The following DHX36 variants were observed in gnomAD, a reference collection of about 807,000 sequenced individuals.
DHX36 encodes ATP-dependent DNA/RNA helicase DHX36.
DHX36 carries 50 observed loss-of-function variants against 139.0 expected under a neutral mutation model. That is an observed-to-expected ratio of 0.36 (90% CI 0.29 to 0.46). The LOEUF is 0.46. Among genes scored for constraint, DHX36 ranks in the 20% least tolerant of loss-of-function variants. The probability of loss-of-function intolerance (pLI) is 1.00; values close to 1 mark genes in which losing one functional copy is unlikely to be tolerated. For missense variants in DHX36, 1,024 were observed against 1,211.3 expected (o/e 0.85, Z 2.29); for synonymous variants, 425 against 401.9 (o/e 1.06, Z -0.69).
rs1719185304 is a variant in DHX36 at position 154,277,449 on chromosome 3, GTTAT to G, written c.2688+145_2688+148del. 1.7e-5 allele frequency: 11 copies of G among 631,546 alleles called. No individual in the cohort carries two copies. The South Asian group carries it at 3.2e-4, about 19-fold the overall frequency. 39.1% of individuals were successfully genotyped at this position (631,546 alleles called of 1,614,324 possible). ...ACAGACCTGAAAATTAAAAGAATAG[GTTAT>G]TTGTTAGAGGGAAAAAGTTACTCAC... On this transcript the variant is annotated intron_variant, in intron 23 of 24. Coordinates refer to ENST00000496811, the MANE Select transcript of DHX36 (RefSeq NM_020865.3).
At chr3:154,290,941 C>T (rs7638438) in intron 15 of DHX36, among the ~76,000 whole-genome samples, 29,624 of 150,034 alleles carry the variant, frequency 0.2, 4,019 homozygotes, top group East Asian at 0.39. Context: ...GAGACCATCC[C>T]GGCTAAAACG....
At chr3:154,303,481 G>T in intron 8 of DHX36, 71 bp from the exon 9 acceptor site, 1 of 1,097,970 alleles carries the variant, frequency 9.1e-7, no homozygotes, top group Admixed American at 2.3e-5. Flanking sequence ...ACTGTAAATA[G>T]GACAATGACT....
At chr3:154,282,043 A>G (rs183424069) in intron 20 of DHX36, among the ~76,000 whole-genome samples, 3 of 152,240 alleles carry the variant, frequency 2.0e-5, no homozygotes, top group Admixed American at 6.5e-5. Context: ...ACCTGAATTC[A>G]TATCCTGACT....
intron 1 of DHX36, among the ~76,000 whole-genome samples, chr3:154,316,740 A>G (rs1426078344): frequency 6.6e-6 from 1 of 152,000 alleles, no homozygotes; most frequent in Non-Finnish European, 1.5e-5. Flanking sequence ...GACAAATATA[A>G]AGGTCCTTGG....
chr3:154,280,516 G>T, intron 22 of DHX36, 63 bp downstream of exon 22: 1 of 1,153,138 alleles, frequency 8.7e-7, no homozygotes, highest in Non-Finnish European at 1.3e-6. Flanking sequence ...CTTGTTACAT[G>T]AGCAGATTTC....
intron 4 of DHX36, 30 bp from the exon 5 acceptor site, chr3:154,309,853 A>C: frequency 6.7e-7 from 1 of 1,481,864 alleles, no homozygotes; most frequent in Non-Finnish European, 9.2e-7. Context: ...AAAGAATATC[A>C]CATGTTGACT....
chr3:154,284,922 C>T lies in DHX36; in HGVS notation c.2097G>A (p.Glu699=), dbSNP rs896404953. ...AAAGAATCATTTTTCCAATATGTGG[C>T]TCAACGGGTAATCGTGCCAAGTGGA... ...LGVHLARLPV[E]PHIGKMILFG... is the part of the protein sequence containing the mutation. Residue 699 remains glutamate (E), a synonymous_variant, in exon 18 of 25, where the codon GAG becomes GAA. Coordinates refer to ENST00000496811, the MANE Select transcript of DHX36 (RefSeq NM_020865.3). The T allele has an allele frequency of 6.2e-7, 1 of 1,614,120 alleles. No individual in the cohort carries two copies. The highest frequency in any genetic ancestry group is 8.5e-7 in the Non-Finnish European group (1 of 1,180,018).
intron 19 of DHX36, among the ~76,000 whole-genome samples, chr3:154,283,750 T>A (rs1576857393): frequency 6.6e-6 from 1 of 152,178 alleles, no homozygotes; most frequent in Non-Finnish European, 1.5e-5. Context: ...AAACAGAATG[T>A]AGAGCCACAG....
rs1719031985 is a variant in DHX36, at chr3:154,272,654, T to C, written c.*3517A>G. The C allele has an allele frequency of 6.6e-6, 1 of 151,774 alleles. No individual in the cohort carries two copies. The highest frequency in any genetic ancestry group is 2.4e-5 in the African/African-American group (1 of 41,384). The allele number at this position is 151,774 out of a possible 1,614,324, so 9.4% of individuals were successfully genotyped here. ...GGAACAATGGTAACATGATTTACTT[T>C]GCTACATTTCCAAATATTGTCCAGG... On this transcript the variant is annotated 3_prime_UTR_variant, in exon 25 of 25. Coordinates refer to ENST00000496811, the MANE Select transcript of DHX36 (RefSeq NM_020865.3).
chr3:154,315,061 C>T lies in DHX36; in HGVS notation c.588G>A (p.Arg196=), dbSNP rs767669619. ...EDLQKKKNDL[R]YIEMQHFREK... is the part of the protein sequence containing the mutation. ...TTTCTACTACCTGCATTTCAATATACCGAAGGTCATTTTTTTTCTTTTGTA... is the reference window on the plus strand; with the variant it reads ...TTTCTACTACCTGCATTTCAATATATCGAAGGTCATTTTTTTTCTTTTGTA... The change falls in exon 3 of 25, where the codon CGG becomes CGA. Residue 196 remains arginine (R), a synonymous_variant. Coordinates refer to ENST00000496811, the MANE Select transcript of DHX36 (RefSeq NM_020865.3). The T allele has an allele frequency of 6.2e-7, 1 of 1,602,096 alleles. No homozygotes were observed. Among genetic ancestry groups the T allele is most frequent in the Non-Finnish European group, 8.5e-7 (1 of 1,173,958 alleles).
chr3:154,290,793 A>G (rs1576863096), intron 15 of DHX36, among the ~76,000 whole-genome samples: 1 of 152,058 alleles, frequency 6.6e-6, no homozygotes, highest in African/African-American at 2.4e-5. Context: ...CCCACTGTCT[A>G]TTATATAATA....
intron 4 of DHX36, among the ~76,000 whole-genome samples, chr3:154,310,381 T>A (rs1156383037): frequency 6.6e-6 from 1 of 152,176 alleles, no homozygotes; most frequent in East Asian, 1.9e-4. Flanking sequence ...TTAATATTTT[T>A]AATAATAATA....
At chr3:154,320,143 G>A (rs990208962) in intron 1 of DHX36, among the ~76,000 whole-genome samples, 1 of 152,054 alleles carries the variant, frequency 6.6e-6, no homozygotes, top group Non-Finnish European at 1.5e-5. Flanking sequence ...TTGTTGATAC[G>A]CTCTTCTCTC....
intron 17 of DHX36, among the ~76,000 whole-genome samples, chr3:154,286,472 T>C (rs1285654761): frequency 6.6e-6 from 1 of 151,518 alleles, no homozygotes; most frequent in Non-Finnish European, 1.5e-5. Flanking sequence ...CGAAAGATGA[T>C]GAAATATTTA....
At chr3:154,283,883 G>A (rs539490512) in intron 19 of DHX36, among the ~76,000 whole-genome samples, 2 of 152,180 alleles carry the variant, frequency 1.3e-5, no homozygotes, top group South Asian at 4.1e-4. Context: ...TCTGAATTAT[G>A]TACATGATTA....
chr3:154,310,122 G>A (rs1207950434), intron 4 of DHX36, among the ~76,000 whole-genome samples: 1 of 152,098 alleles, frequency 6.6e-6, no homozygotes, highest in Non-Finnish European at 1.5e-5. Context: ...TTGATATGTG[G>A]GGCTACTGAG....
chr3:154,283,560 C>T (rs1311504494), intron 19 of DHX36, among the ~76,000 whole-genome samples: 2 of 151,672 alleles, frequency 1.3e-5, no homozygotes, highest in Admixed American at 1.3e-4. Flanking sequence ...GTACATAATA[C>T]ACTAATCAAA....
At chr3:154,312,874 T>C (rs1462300373) in intron 3 of DHX36, among the ~76,000 whole-genome samples, 3 of 105,268 alleles carry the variant, frequency 2.8e-5, no homozygotes, top group Admixed American at 1.0e-4. Context: ...TATATATATA[T>C]ATATATATAT....
chr3:154,286,902 A>G (rs1436177842), intron 17 of DHX36, among the ~76,000 whole-genome samples: 1 of 152,220 alleles, frequency 6.6e-6, no homozygotes, highest in Admixed American at 6.5e-5. Flanking sequence ...TGTGTCCCTC[A>G]AACTCCTGGG....
Sources: allele counts gnomAD v4.1 joint callset (sites outside exome capture counted in the v4.1 genomes callset), GRCh38; gene constraint gnomAD v4.1.1; transcripts MANE v1.5; gene names NCBI Gene and HGNC (gene_info 2026-07-23, HGNC 2026-07-21).